Variants in AVEN observed in about 807,000 individuals in gnomAD.
The protein encoded by AVEN is apoptosis and caspase activation inhibitor.
A neutral mutation model predicts 38.1 loss-of-function variants in AVEN; 41 were observed. The observed-to-expected ratio is 1.08, with a 90% CI of 0.84 to 1.40. AVEN has a LOEUF of 1.40. Ranked by LOEUF, AVEN falls within the 40% of genes most tolerant of loss-of-function variation. The probability of loss-of-function intolerance (pLI) is 0.00; values close to 1 mark genes in which losing one functional copy is unlikely to be tolerated. For synonymous variants in AVEN, 206 were observed against 171.8 expected (o/e 1.20, Z -1.56); for missense variants, 605 against 438.8 (o/e 1.38, Z -3.38).
intron 2 of AVEN, among the ~76,000 whole-genome samples, chr15:33,943,319 TGAG>T (rs1264074825): frequency 6.6e-6 from 1 of 152,194 alleles, no homozygotes; most frequent in Non-Finnish European, 1.5e-5. Context: ...GGATGAACCT[TGAG>T]GACATTATTA....
chr15:33,897,084 G>A (rs573178920), intron 2 of AVEN, among the ~76,000 whole-genome samples: 41 of 152,140 alleles, frequency 2.7e-4, no homozygotes, highest in African/African-American at 9.9e-4. Context: ...CATACTATAG[G>A]GTTCCATTAC....
intron 2 of AVEN, among the ~76,000 whole-genome samples, chr15:33,931,122 G>T (rs1045682327): frequency 6.8e-6 from 1 of 145,996 alleles, no homozygotes; most frequent in African/African-American, 2.4e-5. Flanking sequence ...GACTACCAAC[G>T]ATGGATACGG....
intron 2 of AVEN, chr15:33,972,364 C>T (rs1895674233): frequency 6.6e-6 from 1 of 152,054 alleles, no homozygotes; most frequent in Non-Finnish European, 1.5e-5. Context: ...AAGACGGTGT[C>T]TCTGAATGAG....
chr15:34,052,451 CTG>C (rs1285083478), intron 5 of AVEN, among the ~76,000 whole-genome samples: 8 of 152,306 alleles, frequency 5.3e-5, no homozygotes, highest in Admixed American at 3.3e-4. Flanking sequence ...CAAGGGTACT[CTG>C]TCTTACCACT....
At chr15:33,964,099 C>A (rs1377967105) in intron 2 of AVEN, among the ~76,000 whole-genome samples, 1 of 61,558 alleles carries the variant, frequency 1.6e-5, no homozygotes, top group Non-Finnish European at 5.3e-5. Context: ...GGGTCTAAGT[C>A]CTTACTTAAA....
At chr15:33,870,705 C>G (rs188569944) in intron 4 of AVEN, among the ~76,000 whole-genome samples, 2 of 152,158 alleles carry the variant, frequency 1.3e-5, no homozygotes. Context: ...ACATTTCACT[C>G]AATTCCACTA....
chr15:33,963,451 C>T (rs930774945), intron 2 of AVEN, among the ~76,000 whole-genome samples: 2 of 152,142 alleles, frequency 1.3e-5, no homozygotes, highest in Admixed American at 6.5e-5. Context: ...GTATGAAGTG[C>T]TTCCCTAAAG....
chr15:33,956,279 C>T (rs768587383), intron 2 of AVEN, among the ~76,000 whole-genome samples: 22 of 152,140 alleles, frequency 1.4e-4, no homozygotes, highest in Non-Finnish European at 3.1e-4. Flanking sequence ...TCCATCTCCC[C>T]GCTCCTCCAA....
intron 2 of AVEN, among the ~76,000 whole-genome samples, chr15:33,949,175 C>T (rs1201473259): frequency 6.6e-6 from 1 of 152,132 alleles, no homozygotes; most frequent in Non-Finnish European, 1.5e-5. Context: ...AGGCACCCGC[C>T]ACCACGCCCG....
chr15:33,918,364 TCTTG>T (rs1447279098), intron 2 of AVEN, among the ~76,000 whole-genome samples: 4 of 151,356 alleles, frequency 2.6e-5, no homozygotes, highest in South Asian at 4.2e-4. Flanking sequence ...GTTTTCTAAA[TCTTG>T]CTTATTTAGT....
At chr15:34,036,550 G>A (rs1899137354) in intron 1 of AVEN, among the ~76,000 whole-genome samples, 1 of 152,092 alleles carries the variant, frequency 6.6e-6, no homozygotes, top group Non-Finnish European at 1.5e-5. Context: ...TAATGGTTAA[G>A]CACCAAAAAT....
intron 2 of AVEN, among the ~76,000 whole-genome samples, chr15:34,069,150 G>A (rs536511291): frequency 1.6e-4 from 24 of 152,010 alleles, no homozygotes; most frequent in Non-Finnish European, 2.8e-4. Context: ...GGCTGGGCGC[G>A]GTGGCTCATG....
At chr15:33,916,889 G>A (rs1009703343) in intron 2 of AVEN, among the ~76,000 whole-genome samples, 1 of 152,054 alleles carries the variant, frequency 6.6e-6, no homozygotes, top group Non-Finnish European at 1.5e-5. Flanking sequence ...TACAAACATG[G>A]TGGAAGGGGA....
At chr15:33,861,646 C>T (rs147523985), downstream of AVEN, among the ~76,000 whole-genome samples, 66 of 152,268 alleles carry the variant, frequency 4.3e-4, 1 homozygote, top group East Asian at 0.012. Context: ...TACTGGCAGG[C>T]TTTCCTCCCA....
At position 34,038,981 on chromosome 15, in the gene AVEN, T is replaced by C. The variant is rs909447608; in HGVS notation, c.66A>G (p.Gly22=). The C allele has an allele frequency of 2.7e-6, 3 of 1,110,476 alleles. No homozygotes were observed. In the African/African-American group the frequency reaches 5.0e-5, roughly 19 times the overall value. 68.8% of individuals were successfully genotyped at this position (1,110,476 alleles called of 1,614,324 possible). A position where few individuals can be genotyped will look rare whatever the true frequency, so the allele number is the denominator to read the frequency against. Residue 22 remains glycine (G), a synonymous_variant, in exon 1 of 6, where the codon GGA becomes GGG. Coordinates refer to ENST00000306730, the MANE Select transcript of AVEN (RefSeq NM_020371.3). The part of the protein sequence containing the change: ...GRRPGRGRPG[G]DRHSERPGAA... Reference sequence around the variant, plus strand: ...CTCCGGGCCGCTCGCTGTGGCGATCTCCGCCAGGCCGGCCGCGGCCTGGCC... The same window carrying C: ...CTCCGGGCCGCTCGCTGTGGCGATCCCCGCCAGGCCGGCCGCGGCCTGGCC...
chr15:33,863,053 TAGACCAGTGGAA>T (rs371398816), downstream of AVEN, among the ~76,000 whole-genome samples: 811 of 152,368 alleles, frequency 5.3e-3, 7 homozygotes, highest in African/African-American at 0.019. Context: ...CCATGGGTTA[TAGACCAGTGGAA>T]GGATGCTGTC....
At chr15:33,909,940 CCAAATACAAAAAATTACACAAAATA>C (rs71902869) in intron 2 of AVEN, among the ~76,000 whole-genome samples, 3,729 of 151,638 alleles carry the variant, frequency 0.025, 186 homozygotes, top group African/African-American at 0.086. Context: ...ACCAGCCTGG[CCAAATACAAAAAATTACACAAAATA>C]CAAATACAAA....
At chr15:33,865,301 C>T, downstream of AVEN, 26 of 978,320 alleles carry the variant, frequency 2.7e-5, no homozygotes, top group South Asian at 2.7e-4. Flanking sequence ...TACAGTTCTG[C>T]AACATATCTG....
intron 2 of AVEN, among the ~76,000 whole-genome samples, chr15:33,963,718 A>T (rs1597280727): frequency 6.7e-6 from 1 of 148,442 alleles, no homozygotes; most frequent in Non-Finnish European, 1.5e-5. Context: ...AATTGCTTGA[A>T]CCTGGGAGGC....
Sources: allele counts gnomAD v4.1 joint callset (sites outside exome capture counted in the v4.1 genomes callset), GRCh38; gene constraint gnomAD v4.1.1; transcripts MANE v1.5; gene names NCBI Gene and HGNC (gene_info 2026-07-23, HGNC 2026-07-21).